Variants in CEP63 observed in about 807,000 individuals in gnomAD.
CEP63 encodes the protein centrosomal protein 63, also known as centrosomal protein of 63 kDa.
In CEP63, 84 loss-of-function variants were observed where a neutral mutation model predicts 89.1. The ratio of observed to expected loss-of-function variants is 0.94; its 90% CI spans 0.79 to 1.13. CEP63 has a LOEUF of 1.13. Among genes scored for constraint, CEP63 ranks in the 50% most tolerant of loss-of-function variants. The pLI is 0.00. For missense variants in CEP63, 838 were observed against 813.3 expected (o/e 1.03, Z -0.37); for synonymous variants, 267 against 272.5 (o/e 0.98, Z 0.20).
chr3:134,552,326 C>T, intron 12 of CEP63: 2 of 194,942 alleles, frequency 1.0e-5, no homozygotes, highest in Non-Finnish European at 2.1e-5. Flanking sequence ...GCCTCAGCCT[C>T]CTGAGTAACT....
the CEP63 span, among the ~76,000 whole-genome samples, chr3:134,640,768 C>T: frequency 6.6e-6 from 1 of 152,222 alleles, no homozygotes; most frequent in East Asian, 1.9e-4. Flanking sequence ...CCCCATTGCT[C>T]AGGTCCCAAG....
At chr3:134,761,376 C>G in the CEP63 span, among the ~76,000 whole-genome samples, 1 of 152,178 alleles carries the variant, frequency 6.6e-6, no homozygotes, top group Non-Finnish European at 1.5e-5. Flanking sequence ...AGGGCAAGGT[C>G]AGGACTTGGA....
intron 14 of CEP63, 80 bp from the exon 15 acceptor site, chr3:134,561,297 T>C (rs1191917495): frequency 7.3e-7 from 1 of 1,377,658 alleles, no homozygotes; most frequent in East Asian, 2.3e-5. Context: ...TATTGCTAGT[T>C]AGAAAATGTC....
chr3:134,492,090 T>TC (rs1937746782), intron 1 of CEP63, among the ~76,000 whole-genome samples: 2 of 148,918 alleles, frequency 1.3e-5, no homozygotes, highest in African/African-American at 4.9e-5. Flanking sequence ...TTTTTTTTTT[T>TC]TGAGACGGAG....
At chr3:134,546,000 ATTG>A in intron 7 of CEP63, 146 bp from the exon 8 acceptor site, 1 of 876,222 alleles carries the variant, frequency 1.1e-6, no homozygotes, top group East Asian at 2.6e-5. Flanking sequence ...ATATTGTAAT[ATTG>A]TTACGTAACT....
chr3:134,494,833 C>T (rs1172795800), intron 1 of CEP63, among the ~76,000 whole-genome samples: 1 of 152,114 alleles, frequency 6.6e-6, no homozygotes, highest in Non-Finnish European at 1.5e-5. Context: ...AGTGAGTAGG[C>T]TTTCCCATGA....
the CEP63 span, among the ~76,000 whole-genome samples, chr3:134,648,913 C>T: frequency 3.3e-5 from 5 of 152,138 alleles, no homozygotes; most frequent in Non-Finnish European, 7.4e-5. Flanking sequence ...GGAGGAGATA[C>T]CTGGAAGTGA....
At chr3:134,777,110 A>G in the CEP63 span, among the ~76,000 whole-genome samples, 1 of 152,232 alleles carries the variant, frequency 6.6e-6, no homozygotes, top group Non-Finnish European at 1.5e-5. Flanking sequence ...CATGCTTTCT[A>G]TTGCATTATT....
intron 1 of CEP63, among the ~76,000 whole-genome samples, chr3:134,489,674 TGAA>T (rs1374565272): frequency 6.6e-6 from 1 of 152,206 alleles, no homozygotes; most frequent in Non-Finnish European, 1.5e-5. Flanking sequence ...GAGTCTTTTA[TGAA>T]GAACTTTCCC....
At position 134,499,708 on chromosome 3, in the gene CEP63, C is replaced by A. The variant is rs541038424; in HGVS notation, c.44+4344C>A. ...TGCTGAAGCTTGGGCTTGTATGTAT[C>A]CTATCATCCAAAGAATGAACATAGT... is the stretch of plus-strand genomic sequence containing the variant. On this transcript the variant is annotated intron_variant, in intron 2 of 14. Coordinates refer to ENST00000675561, the MANE Select transcript of CEP63 (RefSeq NM_001353108.3). Among the ~76,000 whole-genome samples the A allele has an allele frequency of 2.6e-5, 4 of 152,006 alleles. No individual in the cohort carries two copies. The South Asian group carries it at 8.3e-4, about 32-fold the overall frequency.
chr3:134,585,037 A>G (rs113214799), intron 10 of CEP63, among the ~76,000 whole-genome samples: 2,485 of 143,046 alleles, frequency 0.017, 57 homozygotes, highest in African/African-American at 0.053. Flanking sequence ...TGGTGGTGAT[A>G]TCCCCTTTAT....
chr3:134,670,238 CA>C, the CEP63 span, among the ~76,000 whole-genome samples: 1 of 152,110 alleles, frequency 6.6e-6, no homozygotes, highest in Non-Finnish European at 1.5e-5. Flanking sequence ...GCTATTTTCA[CA>C]GAAAGTTTTA....
chr3:134,621,511 C>T, the CEP63 span, among the ~76,000 whole-genome samples: 93,131 of 152,040 alleles, frequency 0.61, 29,208 homozygotes, highest in East Asian at 0.87. Flanking sequence ...ATTGAGTTTC[C>T]ACATGCAAAA....
intron 11 of CEP63, 112 bp downstream of exon 11, chr3:134,550,372 C>A (rs1346224715): frequency 7.7e-6 from 8 of 1,041,560 alleles, no homozygotes; most frequent in Non-Finnish European, 8.7e-6. Context: ...TAGATACCTG[C>A]TTTGAGCTGA....
chr3:134,501,014 A>G (rs1462346363), intron 2 of CEP63, among the ~76,000 whole-genome samples: 1 of 152,194 alleles, frequency 6.6e-6, no homozygotes, highest in Non-Finnish European at 1.5e-5. Flanking sequence ...TAATTTTTGC[A>G]TATGGTGAGG....
At chr3:134,692,480 T>C in the CEP63 span, among the ~76,000 whole-genome samples, 1 of 152,034 alleles carries the variant, frequency 6.6e-6, no homozygotes, top group Admixed American at 6.6e-5. Context: ...CCATGGTGTA[T>C]AGGGAAGGCA....
the CEP63 span, among the ~76,000 whole-genome samples, chr3:134,743,143 G>A: frequency 6.6e-6 from 1 of 152,216 alleles, no homozygotes; most frequent in East Asian, 1.9e-4. Context: ...TCCACCCTGG[G>A]CAGCATTCCT....
intron 11 of CEP63, among the ~76,000 whole-genome samples, chr3:134,551,525 T>G (rs1954817649): frequency 6.6e-6 from 1 of 152,020 alleles, no homozygotes; most frequent in Admixed American, 6.6e-5. Flanking sequence ...ATTTTGTGAA[T>G]AAAGTACAAT....
chr3:134,536,542 T>G (rs1950810334), intron 5 of CEP63: 1 of 158,090 alleles, frequency 6.3e-6, no homozygotes, highest in African/African-American at 2.4e-5. Flanking sequence ...ACTGTTTGGC[T>G]TTGGGTTACA....
Sources: allele counts gnomAD v4.1 joint callset (sites outside exome capture counted in the v4.1 genomes callset), GRCh38; gene constraint gnomAD v4.1.1; transcripts MANE v1.5; gene names NCBI Gene and HGNC (gene_info 2026-07-23, HGNC 2026-07-21).